Variants in HSPA12A observed in about 807,000 individuals in gnomAD.
HSPA12A encodes the protein heat shock protein family A (Hsp70) member 12A, also known as heat shock 70 kDa protein 12A.
A neutral mutation model predicts 69.2 loss-of-function variants in HSPA12A; 28 were observed. The observed-to-expected ratio is 0.40, with a 90% CI of 0.30 to 0.55. The LOEUF (loss-of-function observed/expected upper bound fraction) is 0.55, where lower values mean the gene tolerates loss of function less well. HSPA12A is among the 20% of genes least tolerant of loss of function. The probability of loss-of-function intolerance (pLI) is 0.38; values close to 1 mark genes in which losing one functional copy is unlikely to be tolerated. For missense variants in HSPA12A, 686 were observed against 900.7 expected, an observed-to-expected ratio of 0.76 and a Z score of 3.05; for synonymous variants, 345 against 370.5, an observed-to-expected ratio of 0.93 and a Z score of 0.79.
intron 1 of HSPA12A, among the ~76,000 whole-genome samples, chr10:116,736,366 C>A (rs1851315865): frequency 6.6e-6 from 1 of 152,088 alleles, no homozygotes; most frequent in South Asian, 2.1e-4. Flanking sequence ...TCAGACAGCT[C>A]CTGAGGGACA....
chr10:116,831,030 G>A (rs1845604341), intron 2 of HSPA12A: 2 of 152,396 alleles, frequency 1.3e-5, no homozygotes, highest in South Asian at 4.2e-4. Flanking sequence ...ACACAATGAT[G>A]AAATTGCCTA....
intron 2 of HSPA12A, among the ~76,000 whole-genome samples, chr10:116,775,712 G>A (rs1844321053): frequency 6.6e-6 from 1 of 152,150 alleles, no homozygotes; most frequent in Non-Finnish European, 1.5e-5. Flanking sequence ...TCAGGCCAGG[G>A]GGCCAGAGGA....
intron 2 of HSPA12A, among the ~76,000 whole-genome samples, chr10:116,757,704 G>A (rs1326637799): frequency 2.6e-5 from 4 of 152,190 alleles, no homozygotes; most frequent in African/African-American, 4.8e-5. Context: ...TTGGTCACCT[G>A]TAAAATGGGA....
chr10:116,836,525 C>T (rs1157358410), intron 1 of HSPA12A, among the ~76,000 whole-genome samples: 3 of 152,114 alleles, frequency 2.0e-5, no homozygotes, highest in Non-Finnish European at 4.4e-5. Flanking sequence ...AAAGTAATTG[C>T]CTGTAAAACA....
chr10:116,771,223 C>T (rs770229494), intron 2 of HSPA12A, among the ~76,000 whole-genome samples: 1 of 152,214 alleles, frequency 6.6e-6, no homozygotes, highest in Non-Finnish European at 1.5e-5. Context: ...GACTGGGCTG[C>T]CCCAGTGACA....
intron 1 of HSPA12A, among the ~76,000 whole-genome samples, chr10:116,728,098 G>A (rs797023833): frequency 6.6e-6 from 1 of 151,368 alleles, no homozygotes; most frequent in Non-Finnish European, 1.5e-5. Context: ...ATGAGCCACC[G>A]CGCTTGGCCA....
intron 1 of HSPA12A, 95 bp from the exon 2 acceptor site, chr10:116,707,380 T>A: frequency 1.1e-6 from 1 of 949,410 alleles, no homozygotes; most frequent in Non-Finnish European, 1.6e-6. Context: ...CTCCAGGAAC[T>A]GCGGCCTCTG....
At chr10:116,758,107 G>A (rs2133097169) in intron 2 of HSPA12A, among the ~76,000 whole-genome samples, 1 of 152,302 alleles carries the variant, frequency 6.6e-6, no homozygotes, top group Middle Eastern at 3.4e-3. Flanking sequence ...CCACTCAACA[G>A]AAGTGGGATA....
At chr10:116,797,091 G>C (rs966270714) in intron 2 of HSPA12A, among the ~76,000 whole-genome samples, 20 of 152,158 alleles carry the variant, frequency 1.3e-4, no homozygotes, top group African/African-American at 4.1e-4. Context: ...AGCTGGCTGA[G>C]AGCACGCACT....
At chr10:116,812,307 G>C (rs995586420) in intron 2 of HSPA12A, among the ~76,000 whole-genome samples, 23 of 151,922 alleles carry the variant, frequency 1.5e-4, no homozygotes, top group African/African-American at 5.6e-4. Context: ...ACAAAAATTA[G>C]CTGGGTATGG....
chr10:116,673,630 G>A lies in HSPA12A; in HGVS notation c.*1151C>T, dbSNP rs1429049599. 7.9e-5 allele frequency: 12 copies of A among 152,124 alleles called. No homozygotes were observed. Among genetic ancestry groups the A allele is most frequent in the Non-Finnish European group, 2.9e-5 (2 of 68,042 alleles). 9.4% of individuals were successfully genotyped at this position (152,124 alleles called of 1,614,324 possible). ...TCTGAACACGCACCCAGGCAATTCT[G>A]ATGCAGGCGAGCCACAGGCCCGCTG... On this transcript the variant is annotated 3_prime_UTR_variant, in exon 12 of 12. Coordinates refer to ENST00000369209, the MANE Select transcript of HSPA12A (RefSeq NM_025015.3).
chr10:116,795,527 A>AC (rs1300001169), intron 2 of HSPA12A, among the ~76,000 whole-genome samples: 2 of 150,644 alleles, frequency 1.3e-5, no homozygotes, highest in African/African-American at 4.9e-5. Flanking sequence ...AAAAAAAAAA[A>AC]ATACAAAAAT....
At chr10:116,725,415 C>A (rs1412187423) in intron 1 of HSPA12A, among the ~76,000 whole-genome samples, 1 of 152,106 alleles carries the variant, frequency 6.6e-6, no homozygotes, top group Non-Finnish European at 1.5e-5. Context: ...TGTTCAGTCG[C>A]CAGATTTGAA....
intron 9 of HSPA12A, among the ~76,000 whole-genome samples, chr10:116,680,765 G>A (rs1849378217): frequency 2.0e-5 from 3 of 152,212 alleles, no homozygotes; most frequent in East Asian, 1.9e-4. Context: ...GATTACAGGC[G>A]TGAGCCACCG....
intron 2 of HSPA12A, among the ~76,000 whole-genome samples, chr10:116,761,579 TAA>T (rs58018018): frequency 2.9e-5 from 4 of 138,656 alleles, no homozygotes; most frequent in East Asian, 2.1e-4. Flanking sequence ...GTAAAAAAAA[TAA>T]AAAAAAAAAC....
intron 5 of HSPA12A, among the ~76,000 whole-genome samples, chr10:116,696,046 G>A (rs569475340): frequency 1.6e-4 from 23 of 145,716 alleles, no homozygotes; most frequent in African/African-American, 2.8e-4. Flanking sequence ...TCAGGAGTGC[G>A]TGGGCTCTTT....
intron 1 of HSPA12A, among the ~76,000 whole-genome samples, chr10:116,731,329 T>C (rs1436741002): frequency 1.3e-5 from 2 of 152,068 alleles, no homozygotes; most frequent in African/African-American, 4.8e-5. Context: ...AGCTGCCAGG[T>C]CTAGGAGGGG....
chr10:116,788,061 T>C (rs1219609382), intron 2 of HSPA12A, among the ~76,000 whole-genome samples: 1 of 152,066 alleles, frequency 6.6e-6, no homozygotes, highest in African/African-American at 2.4e-5. Context: ...GCCGTTAAAT[T>C]CAGATGCTAC....
rs544496985 is a variant in HSPA12A at position 116,801,605 on chromosome 10, C to T, written c.91+33330G>A. 6.6e-5 allele frequency among the ~76,000 whole-genome samples: 10 copies of T among 152,180 alleles called. No homozygotes were observed. The South Asian group carries it at 2.1e-3, about 32-fold the overall frequency. On this transcript the variant is annotated intron_variant, in intron 2 of 12. Coordinates refer to the HSPA12A transcript ENST00000635765. Reference sequence around the variant, plus strand: ...CCACGAGCGCAATAGCTCAGAAGGACCCAACAACCACAAAAATAAATTGCA... The same window carrying T: ...CCACGAGCGCAATAGCTCAGAAGGATCCAACAACCACAAAAATAAATTGCA...
Sources: gnomAD v4.1 joint callset for allele counts (sites outside exome capture counted in the v4.1 genomes callset) on GRCh38, gnomAD v4.1.1 for gene constraint, MANE v1.5 for transcripts, NCBI Gene and HGNC (gene_info 2026-07-23, HGNC 2026-07-21) for gene names.